Variants in GTF2A1 observed in about 807,000 individuals in gnomAD.
GTF2A1 encodes transcription initiation factor IIA subunit 1.
In GTF2A1, 12 loss-of-function variants were observed where a neutral mutation model predicts 54.1. The observed-to-expected ratio is 0.22, with a 90% CI of 0.14 to 0.36. The LOEUF (loss-of-function observed/expected upper bound fraction) is 0.36. Ranked by LOEUF, GTF2A1 falls within the 10% of genes least tolerant of loss-of-function variation. The pLI, the probability that GTF2A1 is intolerant of heterozygous loss-of-function variation, is 1.00. For synonymous variants in GTF2A1, 145 were observed against 152.0 expected (o/e 0.95, Z 0.34); for missense variants, 335 against 442.2 (o/e 0.76, Z 2.17).
At chr14:81,219,559 G>T (rs923614317) in intron 1 of GTF2A1, among the ~76,000 whole-genome samples, 4 of 152,232 alleles carry the variant, frequency 2.6e-5, no homozygotes, top group African/African-American at 9.6e-5. Flanking sequence ...GGTTAGACCC[G>T]AGTCGCCAAC....
intron 8 of GTF2A1, among the ~76,000 whole-genome samples, chr14:81,185,210 T>C (rs1018323888): frequency 2.0e-5 from 3 of 152,214 alleles, no homozygotes; most frequent in South Asian, 4.1e-4. Flanking sequence ...AATTATCTCA[T>C]TGAGTTAGCT....
intron 4 of GTF2A1, among the ~76,000 whole-genome samples, chr14:81,200,935 T>C (rs1291151212): frequency 6.6e-6 from 1 of 151,810 alleles, no homozygotes; most frequent in East Asian, 1.9e-4. Flanking sequence ...GGTAAAGATT[T>C]TCTAAGGATC....
At chr14:81,185,852 GTTTATC>G (rs1402980341) in intron 7 of GTF2A1, among the ~76,000 whole-genome samples, 3 of 152,112 alleles carry the variant, frequency 2.0e-5, no homozygotes, top group East Asian at 1.9e-4. Flanking sequence ...CTGAAAAGAT[GTTTATC>G]TTTATTTTCT....
At chr14:81,211,851 CATA>C (rs1893369843) in intron 2 of GTF2A1, among the ~76,000 whole-genome samples, 1 of 134,852 alleles carries the variant, frequency 7.4e-6, no homozygotes, top group Non-Finnish European at 1.6e-5. Context: ...AATATTTACA[CATA>C]ATTAGAGTGT....
At chr14:81,188,587 C>T (rs1427419349) in intron 7 of GTF2A1, among the ~76,000 whole-genome samples, 1 of 151,732 alleles carries the variant, frequency 6.6e-6, no homozygotes, top group East Asian at 1.9e-4. Context: ...CTGGCTAACA[C>T]AGTGAAACCC....
intron 5 of GTF2A1, 43 bp downstream of exon 5, chr14:81,197,366 T>G (rs761408663): frequency 2.0e-6 from 2 of 1,017,092 alleles, no homozygotes; most frequent in Non-Finnish European, 3.0e-6. Context: ...ATAGTACAAT[T>G]TTCTGAATTA....
chr14:81,218,324 T>C (rs1352075667), intron 1 of GTF2A1, among the ~76,000 whole-genome samples: 1 of 152,178 alleles, frequency 6.6e-6, no homozygotes, highest in Non-Finnish European at 1.5e-5. Context: ...ATCATTAAGA[T>C]TTTATTTTTG....
At chr14:81,210,419 C>A (rs1437799584) in intron 2 of GTF2A1, among the ~76,000 whole-genome samples, 1 of 152,100 alleles carries the variant, frequency 6.6e-6, no homozygotes, top group Non-Finnish European at 1.5e-5. Context: ...GTAAACCCAG[C>A]ACTTTGGGAG....
At position 81,198,938 on chromosome 14, in the gene GTF2A1, T is replaced by C. The variant is rs866813027; in HGVS notation, c.403-1454A>G. ...ACAAACCTAAGTAATTTCTACATCT[T>C]GGGCCTGAAATTCCCACTGTGTCTC... On this transcript the variant is annotated intron_variant, in intron 4 of 8. Coordinates refer to ENST00000553612, the MANE Select transcript of GTF2A1 (RefSeq NM_015859.4). Among the ~76,000 whole-genome samples the C allele has an allele frequency of 6.6e-5, 10 of 152,296 alleles. No homozygotes were observed. The South Asian group carries it at 1.9e-3, about 28-fold the overall frequency.
intron 8 of GTF2A1, among the ~76,000 whole-genome samples, chr14:81,183,846 T>C (rs1892685658): frequency 6.6e-6 from 1 of 152,204 alleles, no homozygotes; most frequent in Non-Finnish European, 1.5e-5. Flanking sequence ...GTTGACATTC[T>C]AAAGTTAAGG....
At chr14:81,203,375 G>C (rs1175158694) in intron 3 of GTF2A1, among the ~76,000 whole-genome samples, 1 of 152,070 alleles carries the variant, frequency 6.6e-6, no homozygotes, top group Non-Finnish European at 1.5e-5. Context: ...GTCCATTTAG[G>C]CTTACATAAA....
chr14:81,196,350 A>G, intron 5 of GTF2A1, 109 bp from the exon 6 acceptor site: 1 of 1,120,022 alleles, frequency 8.9e-7, no homozygotes. Context: ...AATTATCAAG[A>G]AAACTAACAA....
intron 7 of GTF2A1, among the ~76,000 whole-genome samples, chr14:81,187,559 T>C (rs1410598311): frequency 6.6e-6 from 1 of 152,212 alleles, no homozygotes; most frequent in Non-Finnish European, 1.5e-5. Flanking sequence ...TATAATCTGC[T>C]GTCTGTATGG....
At chr14:81,192,975 G>T in intron 6 of GTF2A1, 136 bp from the exon 7 acceptor site, 1 of 615,248 alleles carries the variant, frequency 1.6e-6, no homozygotes, top group Non-Finnish European at 2.9e-6. Flanking sequence ...AAGTACAAAA[G>T]CAATTAGTTT....
chr14:81,185,582 T>C lies in GTF2A1; in HGVS notation c.972A>G (p.Glu324=). The change falls in exon 8 of 9, where the codon GAA becomes GAG. Residue 324 remains glutamate (E), a synonymous_variant. Coordinates refer to ENST00000553612, the MANE Select transcript of GTF2A1 (RefSeq NM_015859.4). ...TTTCTGTGTCAAAGAGTTCCTGTCC[T>C]TCCTCATCACTCACATCATCTTCAC... is the stretch of plus-strand genomic sequence containing the variant. ...LNSEDDVSDE[E]GQELFDTENV... The C allele has an allele frequency of 6.2e-7, 1 of 1,601,256 alleles. No individual in the cohort carries two copies. The highest frequency in any genetic ancestry group is 8.6e-7 in the Non-Finnish European group (1 of 1,168,654).
At chr14:81,215,423 C>T (rs896295161) in intron 2 of GTF2A1, among the ~76,000 whole-genome samples, 1 of 152,174 alleles carries the variant, frequency 6.6e-6, no homozygotes, top group African/African-American at 2.4e-5. Flanking sequence ...TGTGGACCCC[C>T]TGAAAGAACC....
At chr14:81,201,744 CTTTTTTCATGTTTTTCATG>C in intron 3 of GTF2A1, 86 bp from the exon 4 acceptor site, 1 of 881,980 alleles carries the variant, frequency 1.1e-6, no homozygotes, top group Non-Finnish European at 1.9e-6. Flanking sequence ...ATGATGAAAA[CTTTTTTCATGTTTTTCATG>C]TTTTCTGCAC....
chr14:81,199,469 TTATGATTAGTTCATTTC>T (rs1416326522), intron 4 of GTF2A1, among the ~76,000 whole-genome samples: 1 of 152,238 alleles, frequency 6.6e-6, no homozygotes, highest in East Asian at 1.9e-4. Context: ...TCTCACGTTT[TTATGATTAGTTCATTTC>T]TAATGCAAAC....
chr14:81,203,615 A>T (rs1849196128), intron 3 of GTF2A1, among the ~76,000 whole-genome samples: 1 of 152,202 alleles, frequency 6.6e-6, no homozygotes, highest in Non-Finnish European at 1.5e-5. Context: ...TATTAATATA[A>T]CTTCTCTGAA....
Sources: gnomAD v4.1 joint callset for allele counts (sites outside exome capture counted in the v4.1 genomes callset) on GRCh38, gnomAD v4.1.1 for gene constraint, MANE v1.5 for transcripts, NCBI Gene and HGNC (gene_info 2026-07-23, HGNC 2026-07-21) for gene names.